The following PBLD variants were observed in gnomAD, a reference collection of about 807,000 sequenced individuals.
PBLD encodes phenazine biosynthesis like protein domain containing, also known as phenazine biosynthesis-like domain-containing protein.
A neutral mutation model predicts 31.3 loss-of-function variants in PBLD; 26 were observed. That is an observed-to-expected ratio of 0.83 (90% CI 0.61 to 1.15). PBLD has a LOEUF of 1.15. PBLD is among the 50% of genes most tolerant of loss of function. The pLI, the probability that PBLD is intolerant of heterozygous loss-of-function variation, is 0.00. For synonymous variants in PBLD, 114 were observed against 129.0 expected (o/e 0.88, Z 0.79); for missense variants, 307 against 351.7 (o/e 0.87, Z 1.02).
intron 1 of PBLD, among the ~76,000 whole-genome samples, chr10:68,308,288 TG>T (rs1285879189): frequency 6.6e-6 from 1 of 152,230 alleles, no homozygotes; most frequent in Non-Finnish European, 1.5e-5. Context: ...ATATTTAAGT[TG>T]TTTCTAATTT....
chr10:68,312,536 T>A (rs1034976641), intron 1 of PBLD, among the ~76,000 whole-genome samples: 1 of 151,988 alleles, frequency 6.6e-6, no homozygotes, highest in East Asian at 1.9e-4. Context: ...TTTAATAGAA[T>A]AGGGTTACTG....
chr10:68,292,349 T>C (rs1276455155), intron 4 of PBLD, 111 bp from the exon 5 acceptor site: 10 of 915,950 alleles, frequency 1.1e-5, no homozygotes, highest in African/African-American at 1.6e-5. Context: ...CATCCTTTTC[T>C]ATGATGGAGC....
At chr10:68,325,212 C>A (rs1395073051) in intron 1 of PBLD, among the ~76,000 whole-genome samples, 1 of 151,964 alleles carries the variant, frequency 6.6e-6, no homozygotes, top group African/African-American at 2.4e-5. Flanking sequence ...CCACTGCACT[C>A]CAGACTGGGT....
At chr10:68,329,995 G>A (rs2044989669) in intron 1 of PBLD, among the ~76,000 whole-genome samples, 2 of 151,818 alleles carry the variant, frequency 1.3e-5, no homozygotes, top group South Asian at 2.1e-4. Context: ...TTATTTTTCA[G>A]GGTTGTAAGA....
Position 68,296,441 on chromosome 10 carries a change from C to T in PBLD, c.185-77G>A, listed in dbSNP as rs113034052. 77 of 1,100,516 alleles carry T rather than the reference C, an allele frequency of 7.0e-5. 2 individuals are homozygous for T. The African/African-American group carries it at 8.6e-4, about 12-fold the overall frequency. 68.2% of individuals were successfully genotyped at this position (1,100,516 alleles called of 1,614,324 possible). A position where few individuals can be genotyped will look rare whatever the true frequency, so the allele number is the denominator to read the frequency against. ...TCACAGATTTCTCATTTTCTTCTTT[C>T]CTATATAGTTCTCTAGCATGATGAG... On this transcript the variant is annotated intron_variant, in intron 3 of 9. Coordinates refer to ENST00000358769, the MANE Select transcript of PBLD (RefSeq NM_022129.4).
chr10:68,287,331 G>A (rs1157720297), intron 8 of PBLD: 1 of 151,890 alleles, frequency 6.6e-6, no homozygotes, highest in Admixed American at 6.6e-5. Flanking sequence ...AAACAAACTT[G>A]CACTCTGTGC....
chr10:68,296,357 G>A lies in PBLD; in HGVS notation c.192C>T (p.Cys64=), dbSNP rs767627408. 45 of 1,612,872 alleles carry A rather than the reference G, an allele frequency of 2.8e-5. No homozygotes were observed. In the South Asian group the frequency reaches 4.8e-4, roughly 17 times the overall value. The change falls in exon 4 of 10, where the codon TGC becomes TGT. Residue 64 remains cysteine, a synonymous_variant. Coordinates refer to ENST00000358769, the MANE Select transcript of PBLD (RefSeq NM_022129.4). The part of the protein sequence containing the change: ...HPTDNFAQSS[C]FGLRWFTPAS... ...CTGGTGTAAACCATCTCAGTCCAAA[G>A]CAGGAACCTGAGGATAGGAAAAGCC...
chr10:68,303,434 C>A (rs61857268), intron 2 of PBLD, among the ~76,000 whole-genome samples: 151,806 of 151,806 alleles, frequency 1, 75,903 homozygotes, highest in Non-Finnish European at 1. Context: ...TTCCAGGTAG[C>A]CGTTAATTTG....
chr10:68,312,732 C>G (rs2134500858), intron 1 of PBLD, among the ~76,000 whole-genome samples: 1 of 147,374 alleles, frequency 6.8e-6, no homozygotes, highest in South Asian at 2.2e-4. Context: ...GCCTCAGCCT[C>G]CGGAGTAGCT....
intron 2 of PBLD, among the ~76,000 whole-genome samples, chr10:68,301,839 C>T (rs956800730): frequency 6.6e-6 from 1 of 152,242 alleles, no homozygotes; most frequent in African/African-American, 2.4e-5. Flanking sequence ...TTAATCCTCT[C>T]TACCTTGGTA....
intron 1 of PBLD, among the ~76,000 whole-genome samples, chr10:68,310,996 T>A (rs533981336): frequency 3.9e-4 from 60 of 152,320 alleles, no homozygotes; most frequent in African/African-American, 1.3e-3. Flanking sequence ...GGCAATCATC[T>A]AACACAAAGC....
chr10:68,304,266 A>G (rs2044547443), intron 2 of PBLD, among the ~76,000 whole-genome samples: 1 of 152,208 alleles, frequency 6.6e-6, no homozygotes, highest in Admixed American at 6.5e-5. Context: ...TCTCACATCC[A>G]AAGAGCAGAA....
At position 68,288,591 on chromosome 10, in the gene PBLD, C is replaced by G. The variant is rs1339765999; in HGVS notation, c.583G>C (p.Gly195Arg). ...TCTCCTTTAAGGGTAAGAATAAGCC[C>G]TTTCACCTTCCCTGTGTTTTCAACT... ...LQVENTGKVKGLILTLKGEPG... is the reference protein window; with the variant it reads ...LQVENTGKVKRLILTLKGEPG... Residue 195 changes from glycine (G) to arginine (R), a missense_variant, in exon 8 of 10, where the codon GGG (glycine) becomes CGG (arginine). By Grantham distance (125) the Gly-to-Arg change is moderately radical. Coordinates refer to ENST00000358769, the MANE Select transcript of PBLD (RefSeq NM_022129.4). The G allele has an allele frequency of 3.7e-6, 6 of 1,614,184 alleles. No homozygotes were observed. Among genetic ancestry groups the G allele is most frequent in the Non-Finnish European group, 5.1e-6 (6 of 1,180,042 alleles).
rs889921949 is a variant in PBLD at position 68,306,707 on chromosome 10, G to T, written c.84+54C>A. On this transcript the variant is annotated intron_variant, in intron 2 of 9. Coordinates refer to ENST00000358769, the MANE Select transcript of PBLD (RefSeq NM_022129.4). ...AACTAGTCTTTTAAAATAAGTAATTGTTTCTACAGGAATCTAGAATTTCAG... is the reference window on the plus strand; with the variant it reads ...AACTAGTCTTTTAAAATAAGTAATTTTTTCTACAGGAATCTAGAATTTCAG... The T allele has an allele frequency of 1.1e-5, 16 of 1,491,026 alleles. No individual in the cohort carries two copies. The South Asian group carries it at 1.3e-4, about 12-fold the overall frequency. 92.4% of individuals were successfully genotyped at this position (1,491,026 alleles called of 1,614,324 possible). A position where few individuals can be genotyped will look rare whatever the true frequency, so the allele number is the denominator to read the frequency against.
Position 68,288,953 on chromosome 10 carries a change from G to T in PBLD, c.490C>A (p.Arg164Ser). 6.2e-7 allele frequency: 1 copy of T among 1,614,132 alleles called. No homozygotes were observed. The highest frequency in any genetic ancestry group is 2.2e-5 in the East Asian group (1 of 44,882). The change falls in exon 7 of 10, where the codon CGC becomes AGC. Residue 164 changes from arginine (R) to serine (S), a missense_variant. Physicochemically the swap from Arg to Ser is moderately radical, Grantham distance 110. Coordinates refer to ENST00000358769, the MANE Select transcript of PBLD (RefSeq NM_022129.4). ...TACCTGTTGTAAACGTCACTGAGGC[G>T]GACGAGGAGCTTTTGGGTATCTGGA... ...YSPDTQKLLV[R>S]LSDVYNRSFL...
At chr10:68,296,121 G>T in intron 4 of PBLD, 145 bp downstream of exon 4, 1 of 559,972 alleles carries the variant, frequency 1.8e-6, no homozygotes, top group East Asian at 2.9e-5. Flanking sequence ...CGCTGGTTTT[G>T]TTTCTGCATT....
At chr10:68,319,188 A>C (rs2044794399) in intron 1 of PBLD, among the ~76,000 whole-genome samples, 1 of 150,604 alleles carries the variant, frequency 6.6e-6, no homozygotes, top group South Asian at 2.1e-4. Context: ...ACTGATGGAG[A>C]GTGAAAAAAA....
chr10:68,317,521 G>A (rs1290681106), intron 1 of PBLD, among the ~76,000 whole-genome samples: 1 of 152,176 alleles, frequency 6.6e-6, no homozygotes, highest in Admixed American at 6.6e-5. Context: ...GAAAATGCCA[G>A]GTGTGGTGGC....
intron 7 of PBLD, 49 bp downstream of exon 7, chr10:68,288,882 T>A: frequency 6.6e-7 from 1 of 1,520,876 alleles, no homozygotes; most frequent in Non-Finnish European, 9.1e-7. Context: ...GAGCTATAAA[T>A]CTGGGTACTC....
Sources: gnomAD v4.1 joint callset for allele counts (sites outside exome capture counted in the v4.1 genomes callset) on GRCh38, gnomAD v4.1.1 for gene constraint, MANE v1.5 for transcripts, NCBI Gene and HGNC (gene_info 2026-07-23, HGNC 2026-07-21) for gene names.